The following NOVA1 variants were observed in gnomAD, a reference collection of about 807,000 sequenced individuals.
NOVA1 encodes the protein RNA-binding protein Nova-1.
In NOVA1, 7 loss-of-function variants were observed where a neutral mutation model predicts 38.0. The observed-to-expected ratio is 0.18, with a 90% confidence interval of 0.10 to 0.35. The LOEUF (loss-of-function observed/expected upper bound fraction) is 0.35, where lower values mean the gene tolerates loss of function less well. Among genes scored for constraint, NOVA1 ranks in the 10% least tolerant of loss-of-function variants. NOVA1 has a pLI of 1.00. For synonymous variants in NOVA1, 270 were observed against 232.5 expected (o/e 1.16, Z -1.47); for missense variants, 460 against 616.0 (o/e 0.75, Z 2.68).
intron 3 of NOVA1, among the ~76,000 whole-genome samples, chr14:26,473,131 G>A (rs1216331276): frequency 1.3e-5 from 2 of 151,574 alleles, no homozygotes; most frequent in African/African-American, 4.8e-5. Flanking sequence ...ATCATCAGCT[G>A]TGTTAAAAAT....
At chr14:26,481,862 TA>T (rs1039328223) in intron 2 of NOVA1, among the ~76,000 whole-genome samples, 1 of 151,958 alleles carries the variant, frequency 6.6e-6, no homozygotes, top group Non-Finnish European at 1.5e-5. Flanking sequence ...TCAATGTAGC[TA>T]ATACAAAGTG....
chr14:26,557,029 C>T (rs1346064992), intron 2 of NOVA1, among the ~76,000 whole-genome samples: 2 of 152,120 alleles, frequency 1.3e-5, no homozygotes, highest in African/African-American at 4.8e-5. Context: ...TAGATGGCAG[C>T]CCATATTCCC....
chr14:26,501,225 T>C (rs1887220955), intron 2 of NOVA1, among the ~76,000 whole-genome samples: 1 of 151,972 alleles, frequency 6.6e-6, no homozygotes, highest in Non-Finnish European at 1.5e-5. Context: ...AAATATCACC[T>C]TAAGGTTAGG....
chr14:26,547,800 G>C (rs1013500407), intron 2 of NOVA1, among the ~76,000 whole-genome samples: 2 of 152,050 alleles, frequency 1.3e-5, no homozygotes, highest in Non-Finnish European at 2.9e-5. Flanking sequence ...CTTGGCTAGA[G>C]ATACATAGGT....
At chr14:26,525,625 A>AG (rs1301572842) in intron 2 of NOVA1, among the ~76,000 whole-genome samples, 1 of 152,124 alleles carries the variant, frequency 6.6e-6, no homozygotes, top group African/African-American at 2.4e-5. Flanking sequence ...ACATATTTCC[A>AG]GGGGCTTCCA....
At chr14:26,538,705 T>G (rs1890267091) in intron 2 of NOVA1, among the ~76,000 whole-genome samples, 1 of 152,082 alleles carries the variant, frequency 6.6e-6, no homozygotes, top group African/African-American at 2.4e-5. Context: ...CTTGTTCATC[T>G]TCTGCACAGC....
chr14:26,447,244 A>G lies in NOVA1; in HGVS notation c.*715T>C, dbSNP rs549985634. 6.5e-6 allele frequency: 1 copy of G among 152,680 alleles called. No individual in the cohort carries two copies. The highest frequency in any genetic ancestry group is 1.5e-5 in the Non-Finnish European group (1 of 68,090). 9.5% of individuals were successfully genotyped at this position (152,680 alleles called of 1,614,324 possible). On this transcript the variant is annotated 3_prime_UTR_variant, in exon 5 of 5. Transcript: ENST00000539517. Reference sequence around the variant, plus strand: ...TTCAGTGCTTAAAAACAAATGTACAAACCTCTGAAGAGGTGGGACTCCATG... The same window carrying G: ...TTCAGTGCTTAAAAACAAATGTACAGACCTCTGAAGAGGTGGGACTCCATG...
At chr14:26,596,765 G>A in intron 1 of NOVA1, 2 of 1,248,738 alleles carry the variant, frequency 1.6e-6, no homozygotes, top group Non-Finnish European at 1.0e-6. Flanking sequence ...GACAATCTAA[G>A]TGCGGTAAGG....
intron 2 of NOVA1, among the ~76,000 whole-genome samples, chr14:26,502,051 C>T (rs575057336): frequency 6.6e-6 from 1 of 151,604 alleles, no homozygotes; most frequent in East Asian, 1.9e-4. Flanking sequence ...GAAACAGAAT[C>T]AACTAAACAA....
chr14:26,536,397 GA>G (rs906923518), intron 2 of NOVA1, among the ~76,000 whole-genome samples: 4 of 151,930 alleles, frequency 2.6e-5, no homozygotes, highest in African/African-American at 9.7e-5. Context: ...ATAAATGCTT[GA>G]GGGGAAGGAT....
intron 2 of NOVA1, among the ~76,000 whole-genome samples, chr14:26,498,587 C>T (rs1275064982): frequency 6.6e-6 from 1 of 151,990 alleles, no homozygotes. Flanking sequence ...TACTGTTAAG[C>T]CATGATTACA....
chr14:26,597,794 A>G lies in NOVA1; in HGVS notation c.-358T>C, dbSNP rs1420452325. 1.9e-5 allele frequency: 12 copies of G among 641,500 alleles called. No individual in the cohort carries two copies. Among genetic ancestry groups the G allele is most frequent in the Non-Finnish European group, 2.3e-5 (12 of 516,382 alleles). 39.7% of individuals were successfully genotyped at this position (641,500 alleles called of 1,614,324 possible). ...GCGGGAGGAGGGGACCGGGGAGGACAGGCAGAGGGAGTGGGAGAGCGCGAG... is the reference window on the plus strand; with the variant it reads ...GCGGGAGGAGGGGACCGGGGAGGACGGGCAGAGGGAGTGGGAGAGCGCGAG... On this transcript the variant is annotated 5_prime_UTR_variant, in exon 1 of 5. Transcript: ENST00000539517.
chr14:26,479,991 C>A lies in NOVA1; in HGVS notation c.433G>T (p.Asp145Tyr). 1 of 1,613,726 alleles carries A rather than the reference C, an allele frequency of 6.2e-7. No homozygotes were observed. The highest frequency in any genetic ancestry group is 8.5e-7 in the Non-Finnish European group (1 of 1,179,850). ...TAAACACTCACTTGTTTGATGCGAT[C>A]TGGATTAACGGTGGTCTGGGGTTGT... Reference protein sequence around the residue: ...ILQPQTTVNPDRIKQTLPSSP... With the variant: ...ILQPQTTVNPYRIKQTLPSSP... The change falls in exon 3 of 5, where the codon GAT becomes TAT. Residue 145 changes from aspartate to tyrosine, a missense_variant. Physicochemically the swap from Asp to Tyr is radical, Grantham distance 160. Coordinates refer to ENST00000539517, the MANE Select transcript of NOVA1 (RefSeq NM_002515.3).
At chr14:26,451,830 T>C (rs995018231) in intron 4 of NOVA1, among the ~76,000 whole-genome samples, 1 of 152,166 alleles carries the variant, frequency 6.6e-6, no homozygotes, top group African/African-American at 2.4e-5. Context: ...TCTTCTGAAT[T>C]TTAGTGTTTA....
At chr14:26,581,868 T>C (rs888242891) in intron 2 of NOVA1, among the ~76,000 whole-genome samples, 5 of 152,014 alleles carry the variant, frequency 3.3e-5, no homozygotes, top group African/African-American at 1.2e-4. Flanking sequence ...TAACTTGACA[T>C]ATCACAAATA....
chr14:26,516,545 T>C (rs1888477522), intron 2 of NOVA1, among the ~76,000 whole-genome samples: 1 of 152,204 alleles, frequency 6.6e-6, no homozygotes, highest in South Asian at 2.1e-4. Context: ...TTGAGAACAG[T>C]GTCAGGTAGG....
intron 2 of NOVA1, among the ~76,000 whole-genome samples, chr14:26,547,080 T>G (rs1890837391): frequency 6.6e-6 from 1 of 152,182 alleles, no homozygotes; most frequent in Non-Finnish European, 1.5e-5. Flanking sequence ...TGCTTCATTT[T>G]TCCTATTACA....
At chr14:26,499,785 C>CT (rs1887116174) in intron 2 of NOVA1, among the ~76,000 whole-genome samples, 1 of 152,082 alleles carries the variant, frequency 6.6e-6, no homozygotes, top group African/African-American at 2.4e-5. Flanking sequence ...ATCTGTGTGA[C>CT]TTATAAAGTG....
intron 2 of NOVA1, among the ~76,000 whole-genome samples, chr14:26,486,175 A>C (rs1275742542): frequency 6.6e-6 from 1 of 152,150 alleles, no homozygotes; most frequent in Non-Finnish European, 1.5e-5. Context: ...TTTCAAATAC[A>C]TTTAAATTTC....
Sources: gnomAD v4.1 joint callset for allele counts (sites outside exome capture counted in the v4.1 genomes callset) on GRCh38, gnomAD v4.1.1 for gene constraint, MANE v1.5 for transcripts, NCBI Gene and HGNC (gene_info 2026-07-23, HGNC 2026-07-21) for gene names.